UBXN2B: variants seen among roughly 807,000 people sequenced by gnomAD.
UBXN2B encodes the protein UBX domain-containing protein 2B.
UBXN2B carries 19 observed loss-of-function variants against 37.5 expected under a neutral mutation model. The ratio of observed to expected loss-of-function variants is 0.51; its 90% CI spans 0.35 to 0.74. The LOEUF (loss-of-function observed/expected upper bound fraction) is 0.74, where lower values mean the gene tolerates loss of function less well. Ranked by LOEUF, UBXN2B falls within the 30% of genes least tolerant of loss-of-function variation. The probability of loss-of-function intolerance (pLI) is 0.01; values close to 1 mark genes in which losing one functional copy is unlikely to be tolerated. For synonymous variants in UBXN2B, 145 were observed against 143.8 expected, an observed-to-expected ratio of 1.01 and a Z score of -0.06; for missense variants, 370 against 393.2, an observed-to-expected ratio of 0.94 and a Z score of 0.50.
rs748474315 is a variant in UBXN2B at position 58,430,567 on chromosome 8, T to C, written c.237T>C (p.Pro79=). The change falls in exon 3 of 8, where the codon CCT becomes CCC. Residue 79 remains proline (P), a synonymous_variant. Coordinates refer to ENST00000399598, the MANE Select transcript of UBXN2B (RefSeq NM_001077619.2). ...HEYSGLNIVR[P]STGKIVNELF... ...ACAGTGGATTAAATATAGTTCGACC[T>C]TCAACTGGGAAAATTGTGAATGAAC... The C allele has an allele frequency of 2.5e-6, 4 of 1,605,992 alleles. No homozygotes were observed. The Admixed American group carries it at 5.1e-5, about 20-fold the overall frequency.
At chr8:58,420,692 T>C (rs758661277) in intron 2 of UBXN2B, among the ~76,000 whole-genome samples, 13 of 152,178 alleles carry the variant, frequency 8.5e-5, no homozygotes, top group Non-Finnish European at 1.8e-4. Context: ...ATTTGAGGCT[T>C]AGGATGAAAA....
intron 6 of UBXN2B, among the ~76,000 whole-genome samples, chr8:58,443,517 G>A (rs1273473096): frequency 6.6e-6 from 1 of 151,950 alleles, no homozygotes; most frequent in Non-Finnish European, 1.5e-5. Flanking sequence ...ACTTGCATGG[G>A]CACAGTGGCT....
chr8:58,424,612 C>A (rs1477486956), intron 2 of UBXN2B: 4 of 1,174,934 alleles, frequency 3.4e-6, no homozygotes, highest in Non-Finnish European at 5.1e-6. Flanking sequence ...TCTGCTGTTG[C>A]ATCAGGCCCA....
chr8:58,431,987 G>T (rs1808291288), intron 3 of UBXN2B, among the ~76,000 whole-genome samples: 2 of 152,080 alleles, frequency 1.3e-5, no homozygotes, highest in African/African-American at 4.8e-5. Context: ...TAATAGGTAT[G>T]GGTCCTTTGT....
chr8:58,426,000 C>T lies in UBXN2B; in HGVS notation c.189-4519C>T. 10 of 1,446,724 alleles carry T rather than the reference C, an allele frequency of 6.9e-6. No homozygotes were observed. In the South Asian group the frequency reaches 1.1e-4, roughly 17 times the overall value. 89.6% of individuals were successfully genotyped at this position (1,446,724 alleles called of 1,614,324 possible). A position where few individuals can be genotyped will look rare whatever the true frequency, so the allele number is the denominator to read the frequency against. On this transcript the variant is annotated intron_variant, in intron 2 of 7. Coordinates refer to ENST00000399598, the MANE Select transcript of UBXN2B (RefSeq NM_001077619.2). The stretch of plus-strand genomic sequence containing the variant: ...TTTCCTTTTTCAGTTAATAATTTCT[C>T]TGCTTCTTTCCCAGAGAGGTGTCCC...
At chr8:58,441,690 T>G (rs907903127) in intron 6 of UBXN2B, among the ~76,000 whole-genome samples, 34 of 152,098 alleles carry the variant, frequency 2.2e-4, no homozygotes, top group Admixed American at 6.5e-5. Flanking sequence ...CGATATTATC[T>G]GATGATAGTA....
Position 58,447,424 on chromosome 8 carries a change from G to A in UBXN2B, c.869G>A (p.Arg290His), listed in dbSNP as rs770636977. The change falls in exon 8 of 8, where the codon CGT (arginine) becomes CAT (histidine). Residue 290 changes from arginine (R) to histidine (H), a missense_variant. Around this residue, in one of 3 missense-constraint regions of UBXN2B, gnomAD observed 83 missense variants for 83.5 expected, o/e 0.99. Transcript: ENST00000399598. ...LDVRNFIVQS[R>H]PEFAALDFIL... Reference sequence around the variant, plus strand: ...GTCCGGAACTTTATTGTACAGTCTCGTCCTGAATTTGCGGCTCTTGACTTT... The same window carrying A: ...GTCCGGAACTTTATTGTACAGTCTCATCCTGAATTTGCGGCTCTTGACTTT... 3.1e-6 allele frequency: 5 copies of A among 1,612,068 alleles called. No individual in the cohort carries two copies. The highest frequency in any genetic ancestry group is 1.7e-5 in the Admixed American group (1 of 59,976).
intron 5 of UBXN2B, among the ~76,000 whole-genome samples, chr8:58,438,885 C>T (rs994339135): frequency 2.4e-4 from 36 of 152,108 alleles, no homozygotes; most frequent in African/African-American, 8.0e-4. Context: ...ACCTCCATTA[C>T]TGAGGTGGGG....
intron 2 of UBXN2B, chr8:58,426,127 A>G (rs1808077652): frequency 2.4e-6 from 3 of 1,244,188 alleles, no homozygotes; most frequent in Non-Finnish European, 3.5e-6. Flanking sequence ...GTTCTGTGTA[A>G]TGCCGGACCA....
intron 6 of UBXN2B, among the ~76,000 whole-genome samples, chr8:58,441,568 C>T (rs1342699372): frequency 6.6e-6 from 1 of 151,876 alleles, no homozygotes. Flanking sequence ...TAATGTTGGA[C>T]CGCACATCCT....
chr8:58,420,580 G>A (rs1335097315), intron 2 of UBXN2B, among the ~76,000 whole-genome samples: 1 of 152,012 alleles, frequency 6.6e-6, no homozygotes, highest in African/African-American at 2.4e-5. Flanking sequence ...TTAATTGTAG[G>A]TCTAGTCATC....
chr8:58,441,640 A>G (rs1198862329), intron 6 of UBXN2B, among the ~76,000 whole-genome samples: 2 of 152,140 alleles, frequency 1.3e-5, no homozygotes, highest in Non-Finnish European at 1.5e-5. Context: ...AAGGGAAGGC[A>G]GCTAAGAAGA....
At chr8:58,441,255 A>G (rs938695492) in intron 6 of UBXN2B, among the ~76,000 whole-genome samples, 1 of 151,078 alleles carries the variant, frequency 6.6e-6, no homozygotes, top group Non-Finnish European at 1.5e-5. Flanking sequence ...TGGCCTGCCA[A>G]AGTGCCTGGG....
intron 2 of UBXN2B, among the ~76,000 whole-genome samples, chr8:58,420,198 A>G (rs1807889769): frequency 6.6e-6 from 1 of 152,216 alleles, no homozygotes; most frequent in African/African-American, 2.4e-5. Flanking sequence ...CCTAATTTTT[A>G]GTTCCCATAC....
At chr8:58,445,838 G>A in intron 6 of UBXN2B, 69 bp from the exon 7 acceptor site, 1 of 1,361,862 alleles carries the variant, frequency 7.3e-7, no homozygotes, top group Non-Finnish European at 9.8e-7. Flanking sequence ...TGTTCTAAGT[G>A]TTTATCGCTG....
intron 6 of UBXN2B, among the ~76,000 whole-genome samples, chr8:58,445,317 AG>A (rs931219523): frequency 3.3e-5 from 5 of 152,210 alleles, no homozygotes; most frequent in African/African-American, 7.2e-5. Context: ...AATGGTACTT[AG>A]AAGTTATTTC....
At chr8:58,440,743 TG>T (rs1266572244) in intron 6 of UBXN2B, among the ~76,000 whole-genome samples, 1 of 152,214 alleles carries the variant, frequency 6.6e-6, no homozygotes, top group East Asian at 1.9e-4. Flanking sequence ...TCGTGTACAC[TG>T]GTTGTCTATT....
At chr8:58,433,905 G>A (rs868181724) in intron 4 of UBXN2B, among the ~76,000 whole-genome samples, 1 of 152,162 alleles carries the variant, frequency 6.6e-6, no homozygotes, top group African/African-American at 2.4e-5. Context: ...TGTTTCTGTT[G>A]CCTTTTGAAA....
chr8:58,443,468 CAG>C (rs771272149), intron 6 of UBXN2B, among the ~76,000 whole-genome samples: 21 of 151,942 alleles, frequency 1.4e-4, no homozygotes, highest in Non-Finnish European at 2.6e-4. Context: ...AAATAGCAAA[CAG>C]ATGTGATTTT....
Sources: allele counts gnomAD v4.1 joint callset (sites outside exome capture counted in the v4.1 genomes callset), GRCh38; gene constraint gnomAD v4.1.1; regional missense constraint gnomAD v4.1.1; transcripts MANE v1.5; gene names NCBI Gene and HGNC (gene_info 2026-07-23, HGNC 2026-07-21).